ASIC2: variants seen among roughly 807,000 people sequenced by gnomAD.
ASIC2 encodes the protein acid-sensing ion channel 2.
A neutral mutation model predicts 57.3 loss-of-function variants in ASIC2; 25 were observed. The observed-to-expected ratio is 0.44, with a 90% CI of 0.32 to 0.61. ASIC2 has a LOEUF of 0.61. ASIC2 is among the 20% of genes least tolerant of loss of function. ASIC2 has a pLI of 0.06. For synonymous variants in ASIC2, 319 were observed against 307.5 expected (o/e 1.04, Z -0.39); for missense variants, 641 against 738.1 (o/e 0.87, Z 1.52).
At chr17:33,597,994 C>T (rs1163580219) in intron 1 of ASIC2, among the ~76,000 whole-genome samples, 1 of 152,184 alleles carries the variant, frequency 6.6e-6, no homozygotes, top group Non-Finnish European at 1.5e-5. Flanking sequence ...TATTTTATGT[C>T]CCATTACCTC....
intron 1 of ASIC2, among the ~76,000 whole-genome samples, chr17:33,657,686 G>T (rs1907118058): frequency 6.8e-6 from 1 of 147,386 alleles, no homozygotes; most frequent in South Asian, 2.1e-4. Flanking sequence ...TCCCCCGAAA[G>T]CTTATATGAA....
intron 3 of ASIC2, among the ~76,000 whole-genome samples, chr17:33,075,656 C>G (rs1598264481): frequency 6.6e-6 from 1 of 152,298 alleles, no homozygotes; most frequent in East Asian, 1.9e-4. Context: ...TGGTTCCCAC[C>G]AGGCCTTCTG....
chr17:34,154,778 T>A (rs1350482469), intron 1 of ASIC2, among the ~76,000 whole-genome samples: 1 of 152,194 alleles, frequency 6.6e-6, no homozygotes, highest in Non-Finnish European at 1.5e-5. Flanking sequence ...AATTGCATTT[T>A]GGCTCAACGT....
chr17:33,813,784 G>T (rs11658430), intron 1 of ASIC2, among the ~76,000 whole-genome samples: 103,158 of 152,096 alleles, frequency 0.68, 35,330 homozygotes, highest in Non-Finnish European at 0.72. Context: ...TGGTGATAAG[G>T]TAATAGGGGT....
intron 1 of ASIC2, among the ~76,000 whole-genome samples, chr17:34,154,526 C>G (rs1041336332): frequency 6.6e-6 from 1 of 152,236 alleles, no homozygotes; most frequent in African/African-American, 2.4e-5. Flanking sequence ...GCAATGCCCC[C>G]GGCACTCTGG....
At chr17:33,090,547 G>A (rs1027250678) in intron 2 of ASIC2, among the ~76,000 whole-genome samples, 2 of 152,180 alleles carry the variant, frequency 1.3e-5, no homozygotes, top group African/African-American at 4.8e-5. Flanking sequence ...AAAATGGAGA[G>A]AGAATGGATA....
At position 33,876,386 on chromosome 17, in the gene ASIC2, A is replaced by T. The variant is rs16968996; in HGVS notation, c.555+279592T>A. Among the ~76,000 whole-genome samples the T allele has an allele frequency of 7.9e-3, 1,210 of 152,344 alleles. 16 individuals are homozygous for T. Among genetic ancestry groups the T allele is most frequent in the African/African-American group, 0.026 (1,070 of 41,576 alleles). On this transcript the variant is annotated intron_variant, in intron 1 of 9. Transcript: ENST00000359872. The stretch of plus-strand genomic sequence containing the variant: ...GTCACTTGGTGCATGATGTGGTTAC[A>T]AAACAAGACTTCGAAGATCCCTTTG...
intron 1 of ASIC2, among the ~76,000 whole-genome samples, chr17:33,614,603 A>AT (rs770119245): frequency 9.8e-5 from 15 of 152,344 alleles, no homozygotes; most frequent in African/African-American, 3.1e-4. Flanking sequence ...TATCTGCTAT[A>AT]TTTTTTCTGA....
At chr17:33,598,764 G>A (rs1403168477) in intron 1 of ASIC2, among the ~76,000 whole-genome samples, 3 of 152,160 alleles carry the variant, frequency 2.0e-5, no homozygotes, top group African/African-American at 4.8e-5. Flanking sequence ...TAAGACATTG[G>A]TGCCTCCAGG....
chr17:33,023,841 A>G lies in ASIC2; in HGVS notation c.1349+20T>C. ...ATCCAGTTCCCCCTTCCCCCTGCCT[A>G]CCATGCCCACTAAACTTACGAGATA... is the stretch of plus-strand genomic sequence containing the variant. On this transcript the variant is annotated intron_variant, in intron 6 of 9. Coordinates refer to ENST00000225823, the MANE Select transcript of ASIC2 (RefSeq NM_183377.2). 6.2e-7 allele frequency: 1 copy of G among 1,613,656 alleles called. No individual in the cohort carries two copies. The highest frequency in any genetic ancestry group is 1.1e-5 in the South Asian group (1 of 91,036).
At chr17:33,517,759 T>C (rs895700924) in intron 1 of ASIC2, among the ~76,000 whole-genome samples, 2 of 150,526 alleles carry the variant, frequency 1.3e-5, no homozygotes, top group African/African-American at 4.9e-5. Flanking sequence ...AAATGACGAG[T>C]TAATGGGTGC....
At chr17:33,830,205 C>A (rs958620351) in intron 1 of ASIC2, among the ~76,000 whole-genome samples, 1 of 152,046 alleles carries the variant, frequency 6.6e-6, no homozygotes, top group African/African-American at 2.4e-5. Flanking sequence ...AATGGTTTGT[C>A]CAGACTTATA....
At chr17:33,210,728 C>A (rs946406956) in intron 1 of ASIC2, among the ~76,000 whole-genome samples, 1 of 152,204 alleles carries the variant, frequency 6.6e-6, no homozygotes, top group Admixed American at 6.5e-5. Context: ...AAAGCCTCAC[C>A]CTTCATAACA....
At chr17:33,555,404 C>T (rs117459047) in intron 1 of ASIC2, among the ~76,000 whole-genome samples, 2 of 121,692 alleles carry the variant, frequency 1.6e-5, no homozygotes, top group African/African-American at 7.5e-5. Flanking sequence ...ATAACACATT[C>T]TTGGGGGTGC....
At chr17:33,740,322 T>C (rs1179063649) in intron 1 of ASIC2, among the ~76,000 whole-genome samples, 1 of 152,236 alleles carries the variant, frequency 6.6e-6, no homozygotes, top group Non-Finnish European at 1.5e-5. Flanking sequence ...AGAGGTTCAA[T>C]TGACTCACAA....
At chr17:33,351,416 T>C (rs142255912) in intron 1 of ASIC2, among the ~76,000 whole-genome samples, 1 of 152,328 alleles carries the variant, frequency 6.6e-6, no homozygotes, top group East Asian at 1.9e-4. Flanking sequence ...ATTAAGCCAT[T>C]CAGGAAACAT....
intron 1 of ASIC2, among the ~76,000 whole-genome samples, chr17:33,230,804 C>G (rs1056531605): frequency 3.9e-5 from 6 of 152,102 alleles, no homozygotes; most frequent in Non-Finnish European, 8.8e-5. Context: ...AGGAGGCAGG[C>G]CCATCTGCGC....
intron 1 of ASIC2, among the ~76,000 whole-genome samples, chr17:33,451,923 A>C (rs60933172): frequency 2.0e-5 from 3 of 152,148 alleles, no homozygotes; most frequent in Non-Finnish European, 4.4e-5. Flanking sequence ...GATGGTAGGG[A>C]CTTTGATGGT....
At chr17:34,099,433 AG>A (rs1479151555) in intron 1 of ASIC2, among the ~76,000 whole-genome samples, 7 of 132,680 alleles carry the variant, frequency 5.3e-5, no homozygotes, top group African/African-American at 1.9e-4. Context: ...GAAAGAAAGA[AG>A]AAAAGAAAGA....
Sources: gnomAD v4.1 joint callset for allele counts (sites outside exome capture counted in the v4.1 genomes callset) on GRCh38, gnomAD v4.1.1 for gene constraint, MANE v1.5 for transcripts, NCBI Gene and HGNC (gene_info 2026-07-23, HGNC 2026-07-21) for gene names.